TUBGCP6: variants seen among roughly 807,000 people sequenced by gnomAD.
TUBGCP6 encodes the protein gamma-tubulin complex component 6.
TUBGCP6 carries 161 observed loss-of-function variants against 175.8 expected under a neutral mutation model. That is an observed-to-expected ratio of 0.92 (90% CI 0.81 to 1.04). TUBGCP6 has a LOEUF of 1.04. Ranked by LOEUF, TUBGCP6 falls within the 50% of genes least tolerant of loss-of-function variation. TUBGCP6 has a pLI of 0.00. For missense variants in TUBGCP6, 2,572 were observed against 2,433.0 expected (o/e 1.06, Z -1.20); for synonymous variants, 1,173 against 1,030.5 (o/e 1.14, Z -2.65).
intron 1 of TUBGCP6, among the ~76,000 whole-genome samples, chr22:50,243,085 CG>C (rs1569128712): frequency 6.6e-6 from 1 of 152,124 alleles, no homozygotes; most frequent in Non-Finnish European, 1.5e-5. Context: ...GAGGCCGAGA[CG>C]GGTGGATCAT....
rs777280099 is a variant in TUBGCP6 at position 50,218,586 on chromosome 22, C to A, written c.4856G>T (p.Gly1619Val). 1 of 1,613,482 alleles carries A rather than the reference C, an allele frequency of 6.2e-7. No homozygotes were observed. Among genetic ancestry groups the A allele is most frequent in the Non-Finnish European group, 8.5e-7 (1 of 1,179,836 alleles). The change falls in exon 22 of 25, where the codon GGC becomes GTC. Residue 1619 changes from glycine to valine, a missense_variant. Transcript: ENST00000248846. ...GACGCCGCTGTACTTGCTCACGCAGCCCTCGGTGATGACAATGTTGAGAGG... is the reference window on the plus strand; with the variant it reads ...GACGCCGCTGTACTTGCTCACGCAGACCTCGGTGATGACAATGTTGAGAGG... The part of the protein sequence containing the change: ...DWPLNIVITE[G>V]CVSKYSGVFS...
rs200315229 is a variant in TUBGCP6, at chr22:50,220,900, G to A, written c.3459C>T (p.Pro1153=). ...CATGGGTGTTCCACCGTGGCCGGGT[G>A]GGAGCCACGTCCGACACGTTCTCCC... ...RVGENVSDVA[P]TRPRWNTHGH... is the part of the protein sequence containing the mutation. Residue 1153 remains proline (P), a synonymous_variant, in exon 16 of 25, where the codon CCC becomes CCT. Transcript: ENST00000248846. The A allele has an allele frequency of 2.0e-4, 318 of 1,612,892 alleles. No homozygotes were observed. In the East Asian group the frequency reaches 6.3e-3, roughly 32 times the overall value.
At chr22:50,232,461 G>C (rs1021638545) in intron 3 of TUBGCP6, among the ~76,000 whole-genome samples, 5 of 152,126 alleles carry the variant, frequency 3.3e-5, no homozygotes, top group Non-Finnish European at 4.4e-5. Context: ...GGAGGCTAAG[G>C]TGGGAGGATT....
chr22:50,222,517 G>C lies in TUBGCP6; in HGVS notation c.2346C>G (p.Ile782Met). 1 of 1,613,812 alleles carries C rather than the reference G, an allele frequency of 6.2e-7. No homozygotes were observed. Among genetic ancestry groups the C allele is most frequent in the South Asian group, 1.1e-5 (1 of 91,074 alleles). Residue 782 changes from isoleucine to methionine, a missense_variant, in exon 14 of 25, where the codon ATC becomes ATG. By Grantham distance (10) the Ile-to-Met change is conservative. Transcript: ENST00000248846. ...GTGCACTCTCCAGTCGGTGCCTCTG[G>C]ATTCTCCACAGTGCCTTCTGCTCCC... ...ARREQKALWR[I>M]QRHRLESARL...
intron 14 of TUBGCP6, 34 bp from the exon 15 acceptor site, chr22:50,222,136 C>A: frequency 6.2e-7 from 1 of 1,606,284 alleles, no homozygotes; most frequent in Non-Finnish European, 8.5e-7. Context: ...ACTGGCCAAG[C>A]CGGAGTCAAG....
chr22:50,231,314 C>T (rs1163089898), intron 3 of TUBGCP6, among the ~76,000 whole-genome samples: 1 of 151,044 alleles, frequency 6.6e-6, no homozygotes, highest in South Asian at 2.1e-4. Context: ...ATTAGCCAGG[C>T]GTGGTAGTCC....
rs367933636 is a variant in TUBGCP6 at position 50,226,051 on chromosome 22, C to T, written c.1832G>A (p.Arg611Gln). 22 of 1,613,982 alleles carry T rather than the reference C, an allele frequency of 1.4e-5. No individual in the cohort carries two copies. The highest frequency in any genetic ancestry group is 6.7e-5 in the East Asian group (3 of 44,896). ...CCCCACACATGAGCCCCTCCTCACC[C>T]GGGGGCAGCAGAGCTTCAGCAGGTT... ...TINLLKLCCP[R>Q]HYLCWSDVPV... Residue 611 changes from arginine (R) to glutamine (Q), a missense_variant and splice_region_variant, in exon 9 of 25, where the codon CGG becomes CAG. Physicochemically the swap from Arg to Gln is conservative, Grantham distance 43. Coordinates refer to ENST00000248846, the MANE Select transcript of TUBGCP6 (RefSeq NM_020461.4).
chr22:50,223,882 C>A, intron 13 of TUBGCP6: 1 of 370,114 alleles, frequency 2.7e-6, no homozygotes, highest in Non-Finnish European at 4.9e-6. Context: ...AATAAAGAGA[C>A]AGGACCCCAA....
Position 50,219,431 on chromosome 22 carries a change from CAA to C in TUBGCP6, c.4339_4340del (p.Leu1447AlafsTer21). 1 of 1,571,762 alleles carries C rather than the reference CAA, an allele frequency of 6.4e-7. No individual in the cohort carries two copies. Among genetic ancestry groups the C allele is most frequent in the Non-Finnish European group, 8.6e-7 (1 of 1,159,492 alleles). ...SMSEPPIAHL[L>X]RPVLPRAFAF... Reference sequence around the variant, plus strand: ...CGAAGGCCCGGGGAAGCACGGGGCGCAAAAGATGAGCAATGGGCGGCTCGGCT... The same window carrying C: ...CGAAGGCCCGGGGAAGCACGGGGCGCAAGATGAGCAATGGGCGGCTCGGCT... On this transcript the variant is annotated frameshift_variant, in exon 19 of 25. Transcript: ENST00000248846. LOFTEE classifies it high-confidence loss of function.
chr22:50,226,493 T>C (rs1274649611), intron 7 of TUBGCP6, 115 bp from the exon 8 acceptor site: 1 of 962,548 alleles, frequency 1.0e-6, no homozygotes, highest in South Asian at 1.5e-5. Flanking sequence ...AGTGGGGGCG[T>C]AGCTGTGAGA....
Position 50,220,666 on chromosome 22 carries a change from G to A in TUBGCP6, c.3693C>T (p.Asp1231=), listed in dbSNP as rs144750345. 1.7e-4 allele frequency: 273 copies of A among 1,609,644 alleles called. No individual in the cohort carries two copies. The highest frequency in any genetic ancestry group is 2.2e-4 in the Non-Finnish European group (257 of 1,179,422). Reference sequence around the variant, plus strand: ...TGCACCGTGACCGGATGGGAGCCACGTCCGATACGTTCTCCCCAACCCTGA... The same window carrying A: ...TGCACCGTGACCGGATGGGAGCCACATCCGATACGTTCTCCCCAACCCTGA... The part of the protein sequence containing the change: ...TSIRVGENVS[D]VAPIRSRCNT... The change falls in exon 16 of 25, where the codon GAC becomes GAT. Residue 1231 remains aspartate, a synonymous_variant. Transcript: ENST00000248846.
Position 50,219,606 on chromosome 22 carries a change from G to A in TUBGCP6, c.4315+38C>T, listed in dbSNP as rs199866079. The A allele has an allele frequency of 2.8e-4, 447 of 1,607,128 alleles. 1 individual carries two copies. In the African/African-American group the frequency reaches 5.2e-3, roughly 19 times the overall value. ...TGGAGCACGTGCTGGGAACCAGCCA[G>A]CCCAGGGCTCCCTGCCAACAGCAAC... is the stretch of plus-strand genomic sequence containing the variant. On this transcript the variant is annotated intron_variant, in intron 18 of 24. Transcript: ENST00000248846.
intron 21 of TUBGCP6, 24 bp downstream of exon 21, chr22:50,218,679 C>A (rs1189099274): frequency 1.2e-6 from 2 of 1,613,414 alleles, no homozygotes; most frequent in South Asian, 1.1e-5. Flanking sequence ...TGTCCCATCC[C>A]CCGCGGCCAG....
Position 50,222,569 on chromosome 22 carries a change from C to A in TUBGCP6, c.2294G>T (p.Ser765Ile). 3.1e-6 allele frequency: 5 copies of A among 1,612,480 alleles called. No individual in the cohort carries two copies. Among genetic ancestry groups the A allele is most frequent in the Non-Finnish European group, 4.2e-6 (5 of 1,180,014 alleles). Residue 765 changes from serine to isoleucine, a missense_variant, in exon 14 of 25, where the codon AGC becomes ATC. Ser to Ile is a moderately radical substitution (Grantham distance 142). Coordinates refer to ENST00000248846, the MANE Select transcript of TUBGCP6 (RefSeq NM_020461.4). ...ACGAGCTGCCTCTGCAGAGAGCTTGCTGTAGTGGTCGACCAGTGCCTGCCT... is the reference window on the plus strand; with the variant it reads ...ACGAGCTGCCTCTGCAGAGAGCTTGATGTAGTGGTCGACCAGTGCCTGCCT... ...KARQALVDHYSKLSAEAARRE... is the reference protein window; with the variant it reads ...KARQALVDHYIKLSAEAARRE...
intron 1 of TUBGCP6, among the ~76,000 whole-genome samples, chr22:50,242,059 G>A (rs555254889): frequency 6.6e-6 from 1 of 150,482 alleles, no homozygotes; most frequent in African/African-American, 2.5e-5. Context: ...TTGGGAGGCC[G>A]AGGCGGGCAG....
At chr22:50,238,151 G>C (rs1344699666) in intron 2 of TUBGCP6, among the ~76,000 whole-genome samples, 1 of 150,700 alleles carries the variant, frequency 6.6e-6, no homozygotes, top group African/African-American at 2.4e-5. Context: ...GAGAGAGAGA[G>C]AGAGAGACAG....
In TUBGCP6 at chr22:50,224,471, C is replaced by G. The variant is rs776578915; in HGVS notation, c.2065+40G>C. On this transcript the variant is annotated intron_variant, in intron 11 of 24. Transcript: ENST00000248846. ...CTGTCACAAGGAGGCCCCAGCAAGG[C>G]CCCCCGGAACTGCAGAAGGGAGGAC... 1.9e-6 allele frequency: 3 copies of G among 1,613,994 alleles called. No homozygotes were observed. The Admixed American group carries it at 5.0e-5, about 27-fold the overall frequency.
intron 13 of TUBGCP6, chr22:50,223,780 CAAAAAAAAAAAAAA>C (rs34989677): frequency 1.4e-4 from 9 of 64,314 alleles, no homozygotes; most frequent in Non-Finnish European, 2.1e-4. Flanking sequence ...ACTCTGTTTC[CAAAAAAAAAAAAAA>C]AAAAAAAAAC....
chr22:50,217,869 A>AGCCCCGCCCTG (rs2147170846), intron 24 of TUBGCP6, 42 bp from the exon 25 acceptor site: 1 of 1,608,324 alleles, frequency 6.2e-7, no homozygotes, highest in Non-Finnish European at 8.5e-7. Flanking sequence ...CCACAGTGTG[A>AGCCCCGCCCTG]GCCCCGCCCT....
Sources: gnomAD v4.1 joint callset for allele counts (sites outside exome capture counted in the v4.1 genomes callset) on GRCh38, gnomAD v4.1.1 for gene constraint, MANE v1.5 for transcripts, NCBI Gene and HGNC (gene_info 2026-07-23, HGNC 2026-07-21) for gene names.